KCNQ5: variants seen among roughly 807,000 people sequenced by gnomAD.
KCNQ5 encodes the protein potassium voltage-gated channel subfamily Q member 5, also known as potassium voltage-gated channel subfamily KQT member 5.
KCNQ5 carries 30 observed loss-of-function variants against 98.2 expected under a neutral mutation model. The observed-to-expected ratio is 0.31, with a 90% CI of 0.23 to 0.41. KCNQ5 has a LOEUF of 0.41. KCNQ5 is among the 10% of genes least tolerant of loss of function. The pLI is 1.00. For synonymous variants in KCNQ5, 458 were observed against 449.4 expected, an observed-to-expected ratio of 1.02 and a Z score of -0.24; for missense variants, 835 against 1,182.5, an observed-to-expected ratio of 0.71 and a Z score of 4.31.
At chr6:73,047,444 G>A (rs963863965) in intron 3 of KCNQ5, among the ~76,000 whole-genome samples, 5 of 152,110 alleles carry the variant, frequency 3.3e-5, no homozygotes, top group Non-Finnish European at 5.9e-5. Flanking sequence ...AACATTACTC[G>A]CAGGACTACC....
chr6:72,966,729 G>A (rs1239557783), intron 1 of KCNQ5, among the ~76,000 whole-genome samples: 1 of 152,220 alleles, frequency 6.6e-6, no homozygotes, highest in Non-Finnish European at 1.5e-5. Flanking sequence ...ACTGGATCAT[G>A]AGCAGGGCAA....
intron 1 of KCNQ5, among the ~76,000 whole-genome samples, chr6:72,968,771 A>G (rs568518317): frequency 1.3e-5 from 2 of 152,234 alleles, no homozygotes; most frequent in East Asian, 1.9e-4. Flanking sequence ...AATATTTACA[A>G]ACATAGAGAT....
intron 2 of KCNQ5, among the ~76,000 whole-genome samples, chr6:73,030,655 G>T (rs892956490): frequency 6.6e-6 from 1 of 152,186 alleles, no homozygotes; most frequent in African/African-American, 2.4e-5. Context: ...TTGCTAGGAA[G>T]TCTAGAAGGA....
chr6:72,981,724 T>C (rs890947272), intron 1 of KCNQ5, among the ~76,000 whole-genome samples: 3 of 152,224 alleles, frequency 2.0e-5, no homozygotes, highest in Admixed American at 6.5e-5. Context: ...TTGCTCTTGC[T>C]TCTCTACTTC....
At chr6:72,861,721 T>C (rs1777769809) in intron 1 of KCNQ5, among the ~76,000 whole-genome samples, 1 of 152,054 alleles carries the variant, frequency 6.6e-6, no homozygotes, top group Admixed American at 6.6e-5. Flanking sequence ...ATTCTTCTTC[T>C]GGAGAAGGCT....
At chr6:73,122,773 C>T (rs753686643) in intron 8 of KCNQ5, among the ~76,000 whole-genome samples, 9 of 152,142 alleles carry the variant, frequency 5.9e-5, no homozygotes, top group African/African-American at 1.4e-4. Flanking sequence ...AATCAATGCA[C>T]GAGAAAATCA....
intron 1 of KCNQ5, among the ~76,000 whole-genome samples, chr6:72,797,959 T>C (rs1236369141): frequency 2.0e-5 from 3 of 152,174 alleles, no homozygotes; most frequent in Admixed American, 6.6e-5. Flanking sequence ...AACCAGTCAC[T>C]GAGGAAAAAC....
intron 1 of KCNQ5, among the ~76,000 whole-genome samples, chr6:72,661,878 T>A (rs1766544343): frequency 6.6e-6 from 1 of 152,196 alleles, no homozygotes; most frequent in African/African-American, 2.4e-5. Context: ...TAAGCTTCTT[T>A]AAATGAAAAA....
chr6:73,014,321 T>C (rs888483426), intron 2 of KCNQ5, among the ~76,000 whole-genome samples: 1 of 152,086 alleles, frequency 6.6e-6, no homozygotes, highest in Non-Finnish European at 1.5e-5. Flanking sequence ...AAGTGATGCA[T>C]ATTATTTGCA....
At chr6:72,725,542 AG>A in intron 1 of KCNQ5, among the ~76,000 whole-genome samples, 1 of 152,264 alleles carries the variant, frequency 6.6e-6, no homozygotes, top group East Asian at 1.9e-4. Context: ...GGGAAGGAGG[AG>A]ATGTTGATCA....
chr6:73,152,918 G>C (rs1777212104), intron 10 of KCNQ5, among the ~76,000 whole-genome samples: 1 of 152,182 alleles, frequency 6.6e-6, no homozygotes, highest in African/African-American at 2.4e-5. Flanking sequence ...CATTCAATCT[G>C]TGTATGATCA....
At chr6:73,158,261 T>TTTTGTTGTTG (rs1554216887) in intron 10 of KCNQ5, 60 of 169,350 alleles carry the variant, frequency 3.5e-4, no homozygotes, top group Admixed American at 6.6e-4. Flanking sequence ...AAGATTTTTT[T>TTTTGTTGTTG]TTTTTTTTTT....
intron 1 of KCNQ5, among the ~76,000 whole-genome samples, chr6:72,856,471 T>TACAC (rs3035183): frequency 0.38 from 57,190 of 148,814 alleles, 11,670 homozygotes; most frequent in South Asian, 0.49. Context: ...CACACATATA[T>TACAC]ACACACACAC....
intron 1 of KCNQ5, chr6:72,986,300 G>C (rs893801677): frequency 1.0e-5 from 3 of 297,192 alleles, no homozygotes; most frequent in African/African-American, 6.5e-5. Flanking sequence ...GAATGAAATT[G>C]GGGTCACAGT....
At chr6:73,145,617 T>A (rs1400637606) in intron 10 of KCNQ5, among the ~76,000 whole-genome samples, 3 of 152,216 alleles carry the variant, frequency 2.0e-5, no homozygotes, top group African/African-American at 4.8e-5. Context: ...AAACAATGCT[T>A]ATGTTACCAT....
intron 1 of KCNQ5, among the ~76,000 whole-genome samples, chr6:72,800,658 C>T (rs1338747489): frequency 1.3e-5 from 2 of 152,106 alleles, no homozygotes; most frequent in Non-Finnish European, 2.9e-5. Flanking sequence ...TATTCCTTGC[C>T]TCCTGCTAGC....
intron 1 of KCNQ5, among the ~76,000 whole-genome samples, chr6:72,638,016 C>T (rs561324463): frequency 6.6e-6 from 1 of 152,316 alleles, no homozygotes; most frequent in East Asian, 1.9e-4. Context: ...CCAAACGAAG[C>T]AGCTACCCTA....
At chr6:72,701,884 G>C (rs1768827801) in intron 1 of KCNQ5, among the ~76,000 whole-genome samples, 1 of 152,116 alleles carries the variant, frequency 6.6e-6, no homozygotes, top group Non-Finnish European at 1.5e-5. Flanking sequence ...TGTAGAGACA[G>C]GGTTTTGCCA....
chr6:72,917,781 T>G (rs1780220021), intron 1 of KCNQ5, among the ~76,000 whole-genome samples: 1 of 152,078 alleles, frequency 6.6e-6, no homozygotes, highest in South Asian at 2.1e-4. Context: ...AGGAGCTCCC[T>G]TTTCATAATG....
Sources: gnomAD v4.1 joint callset for allele counts (sites outside exome capture counted in the v4.1 genomes callset) on GRCh38, gnomAD v4.1.1 for gene constraint, MANE v1.5 for transcripts, NCBI Gene and HGNC (gene_info 2026-07-23, HGNC 2026-07-21) for gene names.